SEC24A: variants seen among roughly 807,000 people sequenced by gnomAD.
The protein encoded by SEC24A is protein transport protein Sec24A.
A neutral mutation model predicts 129.4 loss-of-function variants in SEC24A; 93 were observed. That is an observed-to-expected ratio of 0.72 (90% CI 0.61 to 0.85). The LOEUF (loss-of-function observed/expected upper bound fraction) is 0.85. Ranked by LOEUF, SEC24A falls within the 40% of genes least tolerant of loss-of-function variation. The probability of loss-of-function intolerance (pLI) is 0.00; values close to 1 mark genes in which losing one functional copy is unlikely to be tolerated. For missense variants in SEC24A, 1,264 were observed against 1,307.4 expected, an observed-to-expected ratio of 0.97 and a Z score of 0.51; for synonymous variants, 460 against 467.3, an observed-to-expected ratio of 0.98 and a Z score of 0.20.
chr5:134,649,068 C>G lies in SEC24A; in HGVS notation c.-9C>G, dbSNP rs1749956911. The G allele has an allele frequency of 6.2e-7, 1 of 1,604,588 alleles. No individual in the cohort carries two copies. Among genetic ancestry groups the G allele is most frequent in the African/African-American group, 1.3e-5 (1 of 74,618 alleles). On this transcript the variant is annotated 5_prime_UTR_variant, in exon 1 of 23. Coordinates refer to ENST00000398844, the MANE Select transcript of SEC24A (RefSeq NM_021982.3). ...TCGACCCCGACCAGCCCCTTCCAAC[C>G]CAGTCATCATGTCCCAGCCGGGAAT...
chr5:134,659,287 T>C (rs868288440), intron 1 of SEC24A, among the ~76,000 whole-genome samples: 2 of 152,002 alleles, frequency 1.3e-5, no homozygotes, highest in Non-Finnish European at 2.9e-5. Flanking sequence ...TTAGCCAGGA[T>C]GGTCTTGATC....
At chr5:134,660,835 A>G (rs964975215) in intron 1 of SEC24A, among the ~76,000 whole-genome samples, 1 of 151,952 alleles carries the variant, frequency 6.6e-6, no homozygotes, top group African/African-American at 2.4e-5. Context: ...GGGATTACAG[A>G]TGTGAGCCAC....
At chr5:134,655,217 A>G (rs1166418198) in intron 1 of SEC24A, among the ~76,000 whole-genome samples, 1 of 152,100 alleles carries the variant, frequency 6.6e-6, no homozygotes, top group Non-Finnish European at 1.5e-5. Context: ...GGGACCTGGG[A>G]TCTCAATTTG....
intron 2 of SEC24A, among the ~76,000 whole-genome samples, chr5:134,662,578 A>G (rs552300110): frequency 2.2e-4 from 33 of 152,266 alleles, no homozygotes; most frequent in African/African-American, 7.9e-4. Flanking sequence ...TTTTAACCTT[A>G]TGTATGTTTA....
intron 13 of SEC24A, among the ~76,000 whole-genome samples, chr5:134,695,630 C>T (rs1260686140): frequency 6.6e-6 from 1 of 151,812 alleles, no homozygotes; most frequent in African/African-American, 2.4e-5. Flanking sequence ...ACTAAAAATA[C>T]AAAAATTAAC....
intron 1 of SEC24A, among the ~76,000 whole-genome samples, chr5:134,658,712 C>A (rs1472555078): frequency 3.9e-5 from 6 of 152,054 alleles, no homozygotes; most frequent in Admixed American, 3.9e-4. Context: ...AACCTCTACA[C>A]GATTTTAATA....
chr5:134,703,236 G>A (rs1348843393), intron 15 of SEC24A, among the ~76,000 whole-genome samples: 1 of 152,040 alleles, frequency 6.6e-6, no homozygotes, highest in Admixed American at 6.6e-5. Context: ...CTAGAATTTT[G>A]ATAGATACTG....
intron 1 of SEC24A, 163 bp downstream of exon 1, chr5:134,649,336 C>T (rs781348944): frequency 2.6e-5 from 13 of 498,224 alleles, no homozygotes; most frequent in African/African-American, 6.0e-5. Flanking sequence ...AGTTGTGCAC[C>T]TGTAGCCCCA....
At chr5:134,706,007 C>A (rs954293540) in intron 17 of SEC24A, among the ~76,000 whole-genome samples, 1 of 151,918 alleles carries the variant, frequency 6.6e-6, no homozygotes, top group Non-Finnish European at 1.5e-5. Flanking sequence ...CCTGCCTCAG[C>A]GTCCCGAGTA....
chr5:134,718,013 CT>C, intron 19 of SEC24A, 55 bp from the exon 20 acceptor site: 9 of 1,337,998 alleles, frequency 6.7e-6, no homozygotes, highest in Non-Finnish European at 9.7e-6. Flanking sequence ...TGTTGTTTAA[CT>C]GTGACTCCAT....
chr5:134,653,787 G>A (rs1580673211), intron 1 of SEC24A, among the ~76,000 whole-genome samples: 2 of 152,040 alleles, frequency 1.3e-5, no homozygotes, highest in Admixed American at 1.3e-4. Context: ...CTTGACCCCA[G>A]GAGGTCAAGA....
chr5:134,702,006 A>G (rs1752021238), intron 15 of SEC24A, among the ~76,000 whole-genome samples: 1 of 152,176 alleles, frequency 6.6e-6, no homozygotes, highest in Non-Finnish European at 1.5e-5. Flanking sequence ...TTAATCATAT[A>G]CCCTTCAGAA....
chr5:134,676,206 C>T, intron 7 of SEC24A, 81 bp downstream of exon 7: 1 of 975,774 alleles, frequency 1.0e-6, no homozygotes, highest in Non-Finnish European at 1.5e-6. Flanking sequence ...GTGACGCAGT[C>T]TCAGCTTATT....
intron 8 of SEC24A, among the ~76,000 whole-genome samples, chr5:134,680,991 C>T (rs1022687611): frequency 9.9e-5 from 15 of 150,966 alleles, no homozygotes; most frequent in East Asian, 6.0e-4. Flanking sequence ...CCCAGCTACT[C>T]GGGAGGCTGA....
chr5:134,697,766 G>A, intron 14 of SEC24A, 133 bp from the exon 15 acceptor site: 1 of 947,000 alleles, frequency 1.1e-6, no homozygotes, highest in Middle Eastern at 2.3e-4. Context: ...TCAAAAAAAG[G>A]GAATAAAATC....
intron 2 of SEC24A, 47 bp from the exon 3 acceptor site, chr5:134,666,774 CAT>C (rs1412806620): frequency 6.5e-7 from 1 of 1,528,964 alleles, no homozygotes; most frequent in Non-Finnish European, 9.0e-7. Flanking sequence ...TGATTTTGGC[CAT>C]AGTCTTGAGT....
Position 134,703,821 on chromosome 5 carries a change from C to G in SEC24A, c.2329C>G (p.Pro777Ala), listed in dbSNP as rs1382234606. 1 of 1,613,172 alleles carries G rather than the reference C, an allele frequency of 6.2e-7. No individual in the cohort carries two copies. The highest frequency in any genetic ancestry group is 2.2e-5 in the East Asian group (1 of 44,870). ...FVRSTDLLSL[P>A]NVNPDAGYAV... The stretch of plus-strand genomic sequence containing the variant: ...TAGGTCAACCGACTTACTGTCTTTG[C>G]CTAACGTCAACCCAGACGCTGGGTA... The change falls in exon 16 of 23, where the codon CCT (proline) becomes GCT (alanine). Residue 777 changes from proline to alanine, a missense_variant. Coordinates refer to ENST00000398844, the MANE Select transcript of SEC24A (RefSeq NM_021982.3).
At position 134,661,508 on chromosome 5, in the gene SEC24A, G is replaced by A; in HGVS notation, c.487G>A (p.Gly163Arg). ...PRASSQPTVSGNTSLTTNHQY... is the reference protein window; with the variant it reads ...PRASSQPTVSRNTSLTTNHQY... ...TGCATCATCCCAACCAACTGTATCT[G>A]GAAATACAAGTTTAACCACAAATCA... The change falls in exon 2 of 23, where the codon GGA becomes AGA. Residue 163 changes from glycine (G) to arginine (R), a missense_variant. Physicochemically the swap from Gly to Arg is moderately radical, Grantham distance 125 (BLOSUM62 -2). Coordinates refer to ENST00000398844, the MANE Select transcript of SEC24A (RefSeq NM_021982.3). 1.2e-6 allele frequency: 2 copies of A among 1,614,054 alleles called. No homozygotes were observed. The highest frequency in any genetic ancestry group is 1.7e-6 in the Non-Finnish European group (2 of 1,179,994).
Position 134,727,127 on chromosome 5 carries a change from G to A in SEC24A, c.*2033G>A, listed in dbSNP as rs1190148217. On this transcript the variant is annotated 3_prime_UTR_variant, in exon 23 of 23. Coordinates refer to ENST00000398844, the MANE Select transcript of SEC24A (RefSeq NM_021982.3). Reference sequence around the variant, plus strand: ...ATATAAGGCAATTATTTTTTGCAATGTTGAATGTGTTTTTTAGTTTGATTC... The same window carrying A: ...ATATAAGGCAATTATTTTTTGCAATATTGAATGTGTTTTTTAGTTTGATTC... 6.6e-6 allele frequency: 1 copy of A among 152,508 alleles called. No individual in the cohort carries two copies. 9.4% of individuals were successfully genotyped at this position (152,508 alleles called of 1,614,324 possible).
Sources: allele counts gnomAD v4.1 joint callset (sites outside exome capture counted in the v4.1 genomes callset), GRCh38; gene constraint gnomAD v4.1.1; transcripts MANE v1.5; gene names NCBI Gene and HGNC (gene_info 2026-07-23, HGNC 2026-07-21).